ZNF804B: variants seen among roughly 807,000 people sequenced by gnomAD.
ZNF804B encodes zinc finger 804B.
ZNF804B carries 80 observed loss-of-function variants against 101.4 expected under a neutral mutation model. The observed-to-expected ratio is 0.79, with a 90% CI of 0.66 to 0.95. The LOEUF (loss-of-function observed/expected upper bound fraction) is 0.95. Ranked by LOEUF, ZNF804B falls within the 40% of genes least tolerant of loss-of-function variation. The pLI is 0.00. For synonymous variants in ZNF804B, 622 were observed against 558.8 expected (o/e 1.11, Z -1.59); for missense variants, 1,673 against 1,561.9 (o/e 1.07, Z -1.20).
intron 1 of ZNF804B, among the ~76,000 whole-genome samples, chr7:88,966,800 G>T (rs1793460858): frequency 6.6e-6 from 1 of 151,334 alleles, no homozygotes; most frequent in South Asian, 2.1e-4. Flanking sequence ...TATACAGAGA[G>T]AGATTAAAAA....
At chr7:88,775,306 T>C (rs1050850502) in intron 1 of ZNF804B, among the ~76,000 whole-genome samples, 1 of 152,114 alleles carries the variant, frequency 6.6e-6, no homozygotes, top group African/African-American at 2.4e-5. Context: ...ACCCAAGGAA[T>C]GGTTCTTTGG....
intron 1 of ZNF804B, among the ~76,000 whole-genome samples, chr7:88,799,216 G>C (rs1790541021): frequency 6.6e-6 from 1 of 151,932 alleles, no homozygotes. Context: ...TTGTAAGCCA[G>C]ACAGAAAGGA....
At chr7:88,801,526 CTCTTA>C (rs1038997855) in intron 1 of ZNF804B, among the ~76,000 whole-genome samples, 1 of 152,094 alleles carries the variant, frequency 6.6e-6, no homozygotes, top group African/African-American at 2.4e-5. Flanking sequence ...CAAGTGATCC[CTCTTA>C]TCTTCTGCCA....
chr7:89,010,871 T>C lies in ZNF804B; in HGVS notation c.109-207284T>C, dbSNP rs188179073. Among the ~76,000 whole-genome samples the C allele has an allele frequency of 3.1e-3, 473 of 152,322 alleles. 8 individuals are homozygous for C. The highest frequency in any genetic ancestry group is 0.011 in the African/African-American group (452 of 41,564). ...TCTCCTATAAAATCCTAGAGTTTGA[T>C]TGCTGTGTTCCTACACAGGAAAAGT... On this transcript the variant is annotated intron_variant, in intron 1 of 3. Coordinates refer to ENST00000333190, the MANE Select transcript of ZNF804B (RefSeq NM_181646.5).
chr7:88,803,214 G>A (rs1230229233), intron 1 of ZNF804B, among the ~76,000 whole-genome samples: 1 of 152,048 alleles, frequency 6.6e-6, no homozygotes, highest in Non-Finnish European at 1.5e-5. Context: ...GATGATACAT[G>A]TGTTGCTTTG....
intron 1 of ZNF804B, among the ~76,000 whole-genome samples, chr7:89,115,246 C>T (rs1158609659): frequency 5.3e-5 from 8 of 152,174 alleles, no homozygotes; most frequent in Admixed American, 4.6e-4. Flanking sequence ...GTCATCCACT[C>T]AACAGTATAT....
At chr7:89,221,215 A>T (rs1323279098) in intron 2 of ZNF804B, among the ~76,000 whole-genome samples, 1 of 152,004 alleles carries the variant, frequency 6.6e-6, no homozygotes, top group Non-Finnish European at 1.5e-5. Flanking sequence ...TAAAATGATG[A>T]TTCAAATTCT....
At chr7:89,318,997 C>A (rs900362424) in intron 2 of ZNF804B, among the ~76,000 whole-genome samples, 1 of 152,090 alleles carries the variant, frequency 6.6e-6, no homozygotes, top group Non-Finnish European at 1.5e-5. Context: ...AGGGATGGGC[C>A]GACTTAATTG....
chr7:89,232,662 A>G (rs556232855), intron 2 of ZNF804B, among the ~76,000 whole-genome samples: 1 of 152,274 alleles, frequency 6.6e-6, no homozygotes, highest in African/African-American at 2.4e-5. Flanking sequence ...ACTTGTTGGC[A>G]TAAAATTATA....
At chr7:88,788,555 A>G (rs992207273) in intron 1 of ZNF804B, among the ~76,000 whole-genome samples, 2 of 152,140 alleles carry the variant, frequency 1.3e-5, no homozygotes, top group South Asian at 4.2e-4. Flanking sequence ...AAACCATCTG[A>G]AGTCATTTTC....
chr7:89,297,807 G>C (rs550414251), intron 2 of ZNF804B, among the ~76,000 whole-genome samples: 2 of 142,952 alleles, frequency 1.4e-5, no homozygotes, highest in Non-Finnish European at 3.1e-5. Flanking sequence ...GTGCACTTTT[G>C]AAGAGTAAGG....
intron 2 of ZNF804B, among the ~76,000 whole-genome samples, chr7:89,310,731 G>A (rs555417546): frequency 5.1e-4 from 78 of 152,296 alleles, no homozygotes; most frequent in African/African-American, 9.6e-5. Context: ...ATGTTAGGTT[G>A]TACAAGATAT....
rs553363586 is a variant in ZNF804B at position 88,785,625 on chromosome 7, C to G, written c.108+25541C>G. Among the ~76,000 whole-genome samples the G allele has an allele frequency of 4.6e-5, 7 of 152,116 alleles. No homozygotes were observed. In the East Asian group the frequency reaches 1.4e-3, roughly 29 times the overall value. On this transcript the variant is annotated intron_variant, in intron 1 of 3. Coordinates refer to ENST00000333190, the MANE Select transcript of ZNF804B (RefSeq NM_181646.5). Reference sequence around the variant, plus strand: ...GCTTTAAATGTTTGCATAATCTGGCCCCATACCTTGCTATCCAGCCTCATC... The same window carrying G: ...GCTTTAAATGTTTGCATAATCTGGCGCCATACCTTGCTATCCAGCCTCATC...
intron 1 of ZNF804B, among the ~76,000 whole-genome samples, chr7:88,854,867 T>A (rs1481250350): frequency 6.7e-6 from 1 of 150,112 alleles, no homozygotes; most frequent in Non-Finnish European, 1.5e-5. Context: ...TGGTTTTTTG[T>A]CCTTGAGATA....
chr7:89,307,735 G>A (rs1790587061), intron 2 of ZNF804B, among the ~76,000 whole-genome samples: 1 of 151,850 alleles, frequency 6.6e-6, no homozygotes, highest in South Asian at 2.1e-4. Flanking sequence ...ACTAATTATT[G>A]AGAAAATAAC....
At chr7:88,983,497 A>G (rs183307523) in intron 1 of ZNF804B, among the ~76,000 whole-genome samples, 3 of 152,150 alleles carry the variant, frequency 2.0e-5, no homozygotes, top group East Asian at 3.9e-4. Context: ...CCATGTGTAG[A>G]TACTACACTG....
chr7:89,277,623 C>G (rs371743662), intron 2 of ZNF804B, among the ~76,000 whole-genome samples: 8 of 150,718 alleles, frequency 5.3e-5, no homozygotes, highest in South Asian at 4.2e-4. Flanking sequence ...TCTTCCGATA[C>G]TTTACTGAGA....
chr7:88,900,969 A>G (rs1348119284), intron 1 of ZNF804B, among the ~76,000 whole-genome samples: 2 of 151,790 alleles, frequency 1.3e-5, no homozygotes, highest in Non-Finnish European at 3.0e-5. Context: ...AATGATAAAT[A>G]CTTCTAGAAG....
chr7:89,048,612 C>A (rs1789150487), intron 1 of ZNF804B, among the ~76,000 whole-genome samples: 1 of 151,676 alleles, frequency 6.6e-6, no homozygotes, highest in Non-Finnish European at 1.5e-5. Context: ...AATTCAGTTA[C>A]CTTAATTAGG....
Sources: gnomAD v4.1 joint callset for allele counts (sites outside exome capture counted in the v4.1 genomes callset) on GRCh38, gnomAD v4.1.1 for gene constraint, MANE v1.5 for transcripts, NCBI Gene and HGNC (gene_info 2026-07-23, HGNC 2026-07-21) for gene names.